The following ATP8A2 variants were observed in gnomAD, a reference collection of about 807,000 sequenced individuals.
ATP8A2 encodes phospholipid-transporting ATPase IB.
ATP8A2 carries 100 observed loss-of-function variants against 165.6 expected under a neutral mutation model. That is an observed-to-expected ratio of 0.60 (90% CI 0.51 to 0.71). The LOEUF (loss-of-function observed/expected upper bound fraction) is 0.71. Among genes scored for constraint, ATP8A2 ranks in the 30% least tolerant of loss-of-function variants. ATP8A2 has a pLI of 0.00. For missense variants in ATP8A2, 1,227 were observed against 1,479.5 expected, an observed-to-expected ratio of 0.83 and a Z score of 2.80; for synonymous variants, 543 against 548.8, an observed-to-expected ratio of 0.99 and a Z score of 0.15.
intron 24 of ATP8A2, among the ~76,000 whole-genome samples, chr13:25,664,715 G>T (rs2042115818): frequency 6.6e-6 from 1 of 152,156 alleles, no homozygotes; most frequent in African/African-American, 2.4e-5. Flanking sequence ...CCAGAGAGAA[G>T]CAGAGGTATC....
At chr13:25,919,864 A>G (rs976257670) in intron 33 of ATP8A2, among the ~76,000 whole-genome samples, 1 of 152,142 alleles carries the variant, frequency 6.6e-6, no homozygotes, top group Admixed American at 6.5e-5. Flanking sequence ...CATAGCTCCC[A>G]TAACCTTGAA....
intron 13 of ATP8A2, among the ~76,000 whole-genome samples, chr13:25,557,189 TC>T (rs1229263143): frequency 6.6e-6 from 1 of 152,182 alleles, no homozygotes; most frequent in Non-Finnish European, 1.5e-5. Flanking sequence ...TTGTGTATAT[TC>T]ATATAAGTGC....
At chr13:25,421,621 A>G (rs774984426) in intron 1 of ATP8A2, among the ~76,000 whole-genome samples, 9 of 152,254 alleles carry the variant, frequency 5.9e-5, no homozygotes, top group Non-Finnish European at 1.2e-4. Context: ...GGGGTGAAAC[A>G]CCGTGCCTGG....
chr13:25,969,769 T>C (rs562697973), intron 35 of ATP8A2, among the ~76,000 whole-genome samples: 2 of 152,374 alleles, frequency 1.3e-5, no homozygotes, highest in East Asian at 3.9e-4. Flanking sequence ...GCAGCTATGC[T>C]AGCCACTGTA....
At chr13:25,382,874 G>A (rs2032893281) in intron 1 of ATP8A2, among the ~76,000 whole-genome samples, 1 of 151,486 alleles carries the variant, frequency 6.6e-6, no homozygotes. Flanking sequence ...TCCTGCCTCA[G>A]CCTCCCGAGT....
rs116619745 is a variant in ATP8A2, at chr13:25,898,817, A to G, written c.3183+36409A>G. On this transcript the variant is annotated intron_variant, in intron 33 of 36. Coordinates refer to ENST00000381655, the MANE Select transcript of ATP8A2 (RefSeq NM_016529.6). ...AATGAACGAGGCTCCGTGGGCATAG[A>G]ACCCTCCGAGCTAGGTGCCGGATAT... 9.5e-3 allele frequency among the ~76,000 whole-genome samples: 1,444 copies of G among 152,288 alleles called. 21 individuals carry two copies. Among genetic ancestry groups the G allele is most frequent in the African/African-American group, 0.033 (1,391 of 41,566 alleles).
Position 25,564,004 on chromosome 13 carries a change from G to A in ATP8A2, c.1446G>A (p.Arg482=), listed in dbSNP as rs757998700. ...ATTCCTGTGACTTTGATGACCCCAGGCTGTTGAAGAACATTGAGGATCGCC... is the reference window on the plus strand; with the variant it reads ...ATTCCTGTGACTTTGATGACCCCAGACTGTTGAAGAACATTGAGGATCGCC... ...CSDSCDFDDP[R]LLKNIEDRHP... is the part of the protein sequence containing the mutation. The change falls in exon 16 of 37, where the codon AGG becomes AGA. Residue 482 remains arginine (R), a synonymous_variant. Coordinates refer to ENST00000381655, the MANE Select transcript of ATP8A2 (RefSeq NM_016529.6). 10 of 1,613,436 alleles carry A rather than the reference G, an allele frequency of 6.2e-6. No homozygotes were observed. In the Admixed American group the frequency reaches 1.5e-4, roughly 24 times the overall value.
intron 33 of ATP8A2, among the ~76,000 whole-genome samples, chr13:25,889,247 T>TAC (rs1034158688): frequency 3.0e-5 from 2 of 65,598 alleles, no homozygotes; most frequent in Non-Finnish European, 9.5e-5. Flanking sequence ...TCCTTTGTCA[T>TAC]ATATATATAT....
At chr13:25,471,362 T>C (rs1250068946) in intron 2 of ATP8A2, among the ~76,000 whole-genome samples, 1 of 151,802 alleles carries the variant, frequency 6.6e-6, no homozygotes, top group Non-Finnish European at 1.5e-5. Context: ...AGTTTTTTTT[T>C]TTTTTGGAGA....
At chr13:25,822,133 T>A (rs1440759203) in intron 27 of ATP8A2, among the ~76,000 whole-genome samples, 2 of 152,188 alleles carry the variant, frequency 1.3e-5, no homozygotes, top group Non-Finnish European at 2.9e-5. Flanking sequence ...GCATGGGGAC[T>A]TATATTTAAA....
chr13:25,828,265 T>C (rs1304871881), intron 28 of ATP8A2, 73 bp downstream of exon 28: 3 of 1,223,252 alleles, frequency 2.5e-6, no homozygotes, highest in Non-Finnish European at 3.6e-6. Context: ...ACTGTTTATG[T>C]CTGGGAAGTG....
intron 33 of ATP8A2, among the ~76,000 whole-genome samples, chr13:25,865,706 A>C (rs1417759524): frequency 6.6e-6 from 1 of 152,222 alleles, no homozygotes; most frequent in African/African-American, 2.4e-5. Context: ...GCCAGACAAC[A>C]TGTCAGGAAG....
At chr13:25,599,724 C>T (rs1348468945) in intron 24 of ATP8A2, among the ~76,000 whole-genome samples, 1 of 152,178 alleles carries the variant, frequency 6.6e-6, no homozygotes, top group African/African-American at 2.4e-5. Flanking sequence ...ATCTGTTTCA[C>T]CTCTGGGTTC....
At chr13:25,609,896 G>A (rs1464606942) in intron 24 of ATP8A2, among the ~76,000 whole-genome samples, 1 of 150,172 alleles carries the variant, frequency 6.7e-6, no homozygotes, top group Admixed American at 6.7e-5. Context: ...TTTCATGTTT[G>A]TTGGCCATTT....
At chr13:25,976,226 G>A (rs1157294860) in intron 35 of ATP8A2, among the ~76,000 whole-genome samples, 1 of 152,156 alleles carries the variant, frequency 6.6e-6, no homozygotes, top group Non-Finnish European at 1.5e-5. Context: ...GCCATGCTGA[G>A]ACCTGTCTTC....
chr13:25,640,677 A>AC (rs2041495553), intron 24 of ATP8A2, among the ~76,000 whole-genome samples: 1 of 152,206 alleles, frequency 6.6e-6, no homozygotes, highest in African/African-American at 2.4e-5. Context: ...CCAGAGGTAC[A>AC]AGGAGGAGCT....
chr13:25,886,446 T>C (rs1953158622), intron 33 of ATP8A2, among the ~76,000 whole-genome samples: 1 of 152,230 alleles, frequency 6.6e-6, no homozygotes. Context: ...TTATGGACAA[T>C]GCCTGGCAAA....
intron 24 of ATP8A2, among the ~76,000 whole-genome samples, chr13:25,600,853 C>T (rs2040365286): frequency 6.6e-6 from 1 of 152,158 alleles, no homozygotes; most frequent in African/African-American, 2.4e-5. Context: ...GAAATAAATA[C>T]CGAAGCCAGC....
chr13:25,564,771 T>C (rs908388259), intron 16 of ATP8A2, among the ~76,000 whole-genome samples: 2 of 152,144 alleles, frequency 1.3e-5, no homozygotes, highest in African/African-American at 2.4e-5. Context: ...TCTTTAGTGG[T>C]GATGTGTGAG....
Sources: gnomAD v4.1 joint callset for allele counts (sites outside exome capture counted in the v4.1 genomes callset) on GRCh38, gnomAD v4.1.1 for gene constraint, MANE v1.5 for transcripts, NCBI Gene and HGNC (gene_info 2026-07-23, HGNC 2026-07-21) for gene names.